Variants in TSPAN9 observed in about 807,000 individuals in gnomAD.
TSPAN9 encodes the protein tetraspanin 9.
In TSPAN9, 16 loss-of-function variants were observed where a neutral mutation model predicts 31.0. The observed-to-expected ratio is 0.52, with a 90% CI of 0.35 to 0.78. The LOEUF (loss-of-function observed/expected upper bound fraction) is 0.78. Among genes scored for constraint, TSPAN9 ranks in the 30% least tolerant of loss-of-function variants. The pLI is 0.01. For synonymous variants in TSPAN9, 145 were observed against 121.6 expected, an observed-to-expected ratio of 1.19 and a Z score of -1.27; for missense variants, 272 against 312.5, an observed-to-expected ratio of 0.87 and a Z score of 0.98.
At chr12:3,150,551 G>A (rs545909610) in intron 2 of TSPAN9, among the ~76,000 whole-genome samples, 1 of 152,298 alleles carries the variant, frequency 6.6e-6, no homozygotes, top group South Asian at 2.1e-4. Context: ...CTGGTTCTTA[G>A]AATTAGAGAT....
intron 2 of TSPAN9, among the ~76,000 whole-genome samples, chr12:3,134,151 C>T (rs1034640528): frequency 6.6e-6 from 1 of 152,126 alleles, no homozygotes; most frequent in Non-Finnish European, 1.5e-5. Flanking sequence ...CCTTTCCCGC[C>T]GTGGACTGTG....
At chr12:3,134,112 C>T (rs2098331026) in intron 2 of TSPAN9, among the ~76,000 whole-genome samples, 1 of 152,170 alleles carries the variant, frequency 6.6e-6, no homozygotes, top group Non-Finnish European at 1.5e-5. Context: ...TGTGTCAGCT[C>T]AGCATGGATG....
chr12:3,252,538 C>T (rs922015817), intron 3 of TSPAN9, among the ~76,000 whole-genome samples: 3 of 152,226 alleles, frequency 2.0e-5, no homozygotes, highest in Admixed American at 1.3e-4. Context: ...GGGGACGGAG[C>T]CCCCTCCTAC....
Position 3,107,107 on chromosome 12 carries a change from T to TG in TSPAN9, c.-18+23389dup, listed in dbSNP as rs2098315076. Among the ~76,000 whole-genome samples the TG allele has an allele frequency of 6.6e-6, 1 of 152,072 alleles. No individual in the cohort carries two copies. ...GAAACCTTGCCGCCACCACCACCAC[T>TG]GCTGCCACCGCAGAGCACGAAATCA... On this transcript the variant is annotated intron_variant, in intron 2 of 8. Transcript: ENST00000011898. This position sits in a 1 kb window ranked among gnomAD's most constrained non-coding sequence, Gnocchi z 4.1.
chr12:3,132,481 A>G (rs940251639), intron 2 of TSPAN9, among the ~76,000 whole-genome samples: 6 of 151,650 alleles, frequency 4.0e-5, no homozygotes, highest in Admixed American at 6.6e-5. Flanking sequence ...GTGAAGTGGT[A>G]TCTTACTGTG....
chr12:3,188,408 A>G (rs1316666300), intron 2 of TSPAN9, among the ~76,000 whole-genome samples: 1 of 152,042 alleles, frequency 6.6e-6, no homozygotes, highest in African/African-American at 2.4e-5. Context: ...GGCAGGGGGA[A>G]TATGCATTCA....
intron 2 of TSPAN9, among the ~76,000 whole-genome samples, chr12:3,125,617 A>C (rs1230410250): frequency 6.6e-6 from 1 of 152,076 alleles, no homozygotes; most frequent in Non-Finnish European, 1.5e-5. Context: ...CTTCTCATGG[A>C]ATTTAATTGA....
chr12:3,248,486 C>T, intron 3 of TSPAN9, among the ~76,000 whole-genome samples: 1 of 152,184 alleles, frequency 6.6e-6, no homozygotes. Flanking sequence ...TCTTGTTCTT[C>T]TCTCTTTCCT....
At chr12:3,157,425 T>G (rs922459188) in intron 2 of TSPAN9, among the ~76,000 whole-genome samples, 12 of 152,184 alleles carry the variant, frequency 7.9e-5, no homozygotes, top group Non-Finnish European at 1.6e-4. Context: ...TTTAAGAATG[T>G]GGGTTTTTGA....
At chr12:3,105,500 G>A (rs1042802439) in intron 2 of TSPAN9, among the ~76,000 whole-genome samples, 3 of 151,962 alleles carry the variant, frequency 2.0e-5, no homozygotes, top group Non-Finnish European at 4.4e-5. Context: ...TGGAGCAAGG[G>A]AGGGAACCCA....
At chr12:3,219,709 G>C (rs2098383279) in intron 3 of TSPAN9, among the ~76,000 whole-genome samples, 1 of 152,120 alleles carries the variant, frequency 6.6e-6, no homozygotes, top group South Asian at 2.1e-4. Flanking sequence ...GGGCCTGTCG[G>C]GGGGTGAGGA....
At chr12:3,279,682 C>T (rs369415654) in intron 5 of TSPAN9, among the ~76,000 whole-genome samples, 1 of 152,208 alleles carries the variant, frequency 6.6e-6, no homozygotes, top group Admixed American at 6.5e-5. Context: ...GTACCATGCA[C>T]TCCAGAACTG....
intron 2 of TSPAN9, among the ~76,000 whole-genome samples, chr12:3,103,122 G>A (rs1296611392): frequency 2.0e-5 from 3 of 152,284 alleles, no homozygotes; most frequent in Admixed American, 6.5e-5. Context: ...ACATTCTGTC[G>A]TGATGTGCAG....
intron 2 of TSPAN9, among the ~76,000 whole-genome samples, chr12:3,086,360 A>G (rs546221679): frequency 1.0e-4 from 15 of 148,836 alleles, no homozygotes; most frequent in South Asian, 2.1e-4. Flanking sequence ...ATTGTTTAGT[A>G]TTATCTGTGC....
chr12:3,131,006 G>A (rs2098329598), intron 2 of TSPAN9, among the ~76,000 whole-genome samples: 2 of 151,980 alleles, frequency 1.3e-5, no homozygotes, highest in Non-Finnish European at 2.9e-5. Context: ...GTGCCCGTGT[G>A]GTATTTGTTT....
At chr12:3,079,177 C>T (rs947512539) in intron 1 of TSPAN9, among the ~76,000 whole-genome samples, 4 of 152,164 alleles carry the variant, frequency 2.6e-5, no homozygotes, top group Admixed American at 6.5e-5. Context: ...TGAGGTTTTG[C>T]CATGTTGACC....
chr12:3,236,593 T>G (rs2098393859), intron 3 of TSPAN9, among the ~76,000 whole-genome samples: 1 of 152,276 alleles, frequency 6.6e-6, no homozygotes, highest in Admixed American at 6.5e-5. Flanking sequence ...GATCTGAGTC[T>G]CACCCAGCCC....
Position 3,140,192 on chromosome 12 carries a change from G to A in TSPAN9, c.-18+56473G>A, listed in dbSNP as rs529541364. 5.9e-5 allele frequency among the ~76,000 whole-genome samples: 9 copies of A among 152,246 alleles called. No homozygotes were observed. The South Asian group carries it at 1.9e-3, about 32-fold the overall frequency. ...AATTAAGTCCTGGAGTGGAAAGCGT[G>A]CATTTAGTAATGCTGTAGCGGTTGA... On this transcript the variant is annotated intron_variant, in intron 2 of 8. Coordinates refer to ENST00000011898, the MANE Select transcript of TSPAN9 (RefSeq NM_006675.5).
chr12:3,088,081 C>G (rs993890479), intron 2 of TSPAN9, among the ~76,000 whole-genome samples: 1 of 152,212 alleles, frequency 6.6e-6, no homozygotes, highest in African/African-American at 2.4e-5. Flanking sequence ...GGGTGCCCAG[C>G]TGAGTTTGAA....
Sources: allele counts gnomAD v4.1 joint callset (sites outside exome capture counted in the v4.1 genomes callset), GRCh38; gene constraint gnomAD v4.1.1; non-coding constraint Gnocchi (gnomAD v3.1); transcripts MANE v1.5; gene names NCBI Gene and HGNC (gene_info 2026-07-23, HGNC 2026-07-21).